Variants in VSIG10 observed in about 807,000 individuals in gnomAD.
VSIG10 encodes the protein V-set and immunoglobulin domain containing 10.
VSIG10 carries 48 observed loss-of-function variants against 58.7 expected under a neutral mutation model. The observed-to-expected ratio is 0.82, with a 90% CI of 0.65 to 1.04. The LOEUF (loss-of-function observed/expected upper bound fraction) is 1.04. Among genes scored for constraint, VSIG10 ranks in the 50% least tolerant of loss-of-function variants. The pLI, the probability that VSIG10 is intolerant of heterozygous loss-of-function variation, is 0.00. For missense variants in VSIG10, 628 were observed against 670.0 expected, an observed-to-expected ratio of 0.94 and a Z score of 0.69; for synonymous variants, 260 against 267.1, an observed-to-expected ratio of 0.97 and a Z score of 0.26.
rs988348277 is a variant in VSIG10 at position 118,082,251 on chromosome 12, G to T, written c.540C>A (p.Asn180Lys). ...LNSSSESFGH[N>K]LTVNFFSLLL... ...ACAGTGAGAAAAAGTTGACTGTCAG[G>T]TTGTGGCCAAAGGACTCGCTGCTGG... Residue 180 changes from asparagine (N) to lysine (K), a missense_variant, in exon 3 of 9, where the codon AAC becomes AAA. Physicochemically the swap from Asn to Lys is moderately conservative, Grantham distance 94. Transcript: ENST00000359236. 7 of 1,613,986 alleles carry T rather than the reference G, an allele frequency of 4.3e-6. No individual in the cohort carries two copies. The East Asian group carries it at 1.6e-4, about 36-fold the overall frequency.
At chr12:118,086,547 A>G (rs917493858) in intron 2 of VSIG10, among the ~76,000 whole-genome samples, 3 of 152,120 alleles carry the variant, frequency 2.0e-5, no homozygotes, top group Non-Finnish European at 4.4e-5. Flanking sequence ...TGGCTGTTCC[A>G]ATATCATACC....
chr12:118,082,576 T>A, intron 2 of VSIG10, 147 bp from the exon 3 acceptor site: 1 of 813,318 alleles, frequency 1.2e-6, no homozygotes, highest in African/African-American at 1.7e-5. Context: ...CTATGCCAAG[T>A]GCCCTGATAC....
chr12:118,093,833 C>T (rs1378800663), intron 2 of VSIG10, among the ~76,000 whole-genome samples: 3 of 151,876 alleles, frequency 2.0e-5, no homozygotes, highest in Non-Finnish European at 2.9e-5. Flanking sequence ...CACTTGAACC[C>T]GGGAGGCAGA....
intron 3 of VSIG10, among the ~76,000 whole-genome samples, chr12:118,079,821 A>ATTTC (rs141622446): frequency 0.01 from 1,571 of 150,788 alleles, 32 homozygotes; most frequent in South Asian, 0.078. Context: ...TCACCTTTGC[A>ATTTC]TTTCTTTCTT....
chr12:118,075,683 G>A (rs1005334619), intron 4 of VSIG10, among the ~76,000 whole-genome samples: 15 of 152,014 alleles, frequency 9.9e-5, no homozygotes, highest in African/African-American at 2.9e-4. Context: ...ACCACACCTC[G>A]TCTTACATCA....
intron 1 of VSIG10, among the ~76,000 whole-genome samples, chr12:118,099,043 C>T (rs1428865972): frequency 6.6e-6 from 1 of 151,580 alleles, no homozygotes; most frequent in Non-Finnish European, 1.5e-5. Context: ...CCTGGCCCAG[C>T]ATCTGTGTGT....
intron 7 of VSIG10, among the ~76,000 whole-genome samples, chr12:118,069,797 C>T (rs1593490954): frequency 6.6e-6 from 1 of 152,300 alleles, no homozygotes; most frequent in East Asian, 1.9e-4. Context: ...AGCTGTGTTA[C>T]ATTGTCATTT....
chr12:118,069,052 C>T (rs1292649052), intron 7 of VSIG10, among the ~76,000 whole-genome samples: 1 of 152,176 alleles, frequency 6.6e-6, no homozygotes, highest in Non-Finnish European at 1.5e-5. Context: ...CACTAGCTTG[C>T]CTACCCAGCC....
chr12:118,074,686 C>T (rs924375348), intron 4 of VSIG10, among the ~76,000 whole-genome samples: 69 of 152,114 alleles, frequency 4.5e-4, no homozygotes, highest in Non-Finnish European at 7.2e-4. Flanking sequence ...ACCATATTGG[C>T]CAGGCTAGTC....
chr12:118,077,799 A>C (rs983639694), intron 4 of VSIG10, among the ~76,000 whole-genome samples: 10 of 152,188 alleles, frequency 6.6e-5, no homozygotes, highest in African/African-American at 2.4e-4. Flanking sequence ...GTTGCCAGGC[A>C]TGGGAGTGAG....
At chr12:118,096,664 G>T (rs568386186) in intron 1 of VSIG10, among the ~76,000 whole-genome samples, 1 of 150,626 alleles carries the variant, frequency 6.6e-6, no homozygotes, top group African/African-American at 2.4e-5. Flanking sequence ...CACTTGATCC[G>T]CCGGCCTCGG....
At position 118,068,327 on chromosome 12, in the gene VSIG10, G is replaced by A. The variant is rs371821072; in HGVS notation, c.1567+50C>T. ...TGGGATTATAGGCGTGAGCCAACGC[G>A]CCTTTTTTTGTTTGTTTTCTGTTTG... On this transcript the variant is annotated intron_variant, in intron 8 of 8. Coordinates refer to ENST00000359236, the MANE Select transcript of VSIG10 (RefSeq NM_019086.6). 11 of 1,588,064 alleles carry A rather than the reference G, an allele frequency of 6.9e-6. No homozygotes were observed. The highest frequency in any genetic ancestry group is 1.1e-5 in the South Asian group (1 of 88,058).
chr12:118,079,918 C>T (rs1295207719), intron 3 of VSIG10, among the ~76,000 whole-genome samples: 1 of 152,228 alleles, frequency 6.6e-6, no homozygotes, highest in Non-Finnish European at 1.5e-5. Context: ...ACTGTAACCT[C>T]GACCTCCCAG....
chr12:118,072,369 G>T (rs888004166), intron 5 of VSIG10, among the ~76,000 whole-genome samples: 17 of 151,576 alleles, frequency 1.1e-4, no homozygotes, highest in African/African-American at 4.1e-4. Context: ...GGAGGCTGAG[G>T]CAGGAGAATG....
At position 118,096,372 on chromosome 12, in the gene VSIG10, A is replaced by G. The variant is rs1417458195; in HGVS notation, c.80-558T>C. 4.0e-5 allele frequency among the ~76,000 whole-genome samples: 6 copies of G among 151,268 alleles called. No homozygotes were observed. In the East Asian group the frequency reaches 1.2e-3, roughly 31 times the overall value. ...GGCGGGCGGATCACCTGAGGTCAGG[A>G]GTTCAAGACCAGCCTAACCAACATG... On this transcript the variant is annotated intron_variant, in intron 1 of 8. Transcript: ENST00000359236.
intron 8 of VSIG10, 157 bp from the exon 9 acceptor site, chr12:118,066,851 T>C (rs1243207063): frequency 3.1e-5 from 23 of 744,804 alleles, no homozygotes; most frequent in Non-Finnish European, 8.7e-6. Context: ...TTTCCCCTTT[T>C]CACCTGTTTT....
intron 2 of VSIG10, among the ~76,000 whole-genome samples, chr12:118,085,067 A>T (rs2033081321): frequency 6.6e-6 from 1 of 152,122 alleles, no homozygotes; most frequent in East Asian, 1.9e-4. Context: ...ACCTAAATTA[A>T]TCAATCCTTG....
At chr12:118,082,017 TAAAAAAAA>T (rs11413291) in intron 3 of VSIG10, 102 bp downstream of exon 3, 35 of 849,720 alleles carry the variant, frequency 4.1e-5, no homozygotes, top group South Asian at 5.0e-5. Context: ...AACTCCATCT[TAAAAAAAA>T]AAAAAAAAAA....
chr12:118,064,034 G>C lies in VSIG10; in HGVS notation c.*2605C>G, dbSNP rs368558947. 6.6e-6 allele frequency: 1 copy of C among 152,170 alleles called. No individual in the cohort carries two copies. Among genetic ancestry groups the C allele is most frequent in the East Asian group, 1.9e-4 (1 of 5,200 alleles). The allele number at this position is 152,170 out of a possible 1,614,324, so 9.4% of individuals were successfully genotyped here. A position where few individuals can be genotyped will look rare whatever the true frequency, so the allele number is the denominator to read the frequency against. On this transcript the variant is annotated 3_prime_UTR_variant, in exon 9 of 9. Coordinates refer to ENST00000359236, the MANE Select transcript of VSIG10 (RefSeq NM_019086.6). ...CTGGTCCTGATAAATAGATCTCATGGTCTCTAAGTTAACAATACATGCAGA... is the reference window on the plus strand; with the variant it reads ...CTGGTCCTGATAAATAGATCTCATGCTCTCTAAGTTAACAATACATGCAGA...
Sources: allele counts gnomAD v4.1 joint callset (sites outside exome capture counted in the v4.1 genomes callset), GRCh38; gene constraint gnomAD v4.1.1; transcripts MANE v1.5; gene names NCBI Gene and HGNC (gene_info 2026-07-23, HGNC 2026-07-21).